Variants in LZTS2 observed in about 807,000 individuals in gnomAD.
LZTS2 encodes leucine zipper tumor suppressor 2, also known as leucine zipper putative tumor suppressor 2.
A neutral mutation model predicts 60.6 loss-of-function variants in LZTS2; 32 were observed. That is an observed-to-expected ratio of 0.53 (90% CI 0.40 to 0.71). The LOEUF (loss-of-function observed/expected upper bound fraction) is 0.71. Among genes scored for constraint, LZTS2 ranks in the 30% least tolerant of loss-of-function variants. The probability of loss-of-function intolerance (pLI) is 0.00; values close to 1 mark genes in which losing one functional copy is unlikely to be tolerated. For missense variants in LZTS2, 792 were observed against 901.9 expected (o/e 0.88, Z 1.56); for synonymous variants, 360 against 393.1 (o/e 0.92, Z 1.00).
exon 4 of LZTS2, chr10:101,007,198 T>C: frequency 6.6e-7 from 1 of 1,514,770 alleles, no homozygotes; most frequent in Non-Finnish European, 8.8e-7. Context: ...TGTAGGGAGC[T>C]CTGCCAGAGG....
At chr10:101,004,899 T>C (rs779630204) in intron 2 of LZTS2, among the ~76,000 whole-genome samples, 20 of 152,202 alleles carry the variant, frequency 1.3e-4, no homozygotes, top group Non-Finnish European at 2.5e-4. Context: ...GTTTCCACCA[T>C]GTTGGCCAAG....
rs375351190 is a variant in LZTS2, at chr10:101,006,708, G to T, written c.1550G>T (p.Arg517Leu). 28 of 1,601,148 alleles carry T rather than the reference G, an allele frequency of 1.7e-5. No homozygotes were observed. The highest frequency in any genetic ancestry group is 3.4e-6 in the Non-Finnish European group (4 of 1,174,302). The change falls in exon 4 of 4, where the codon CGC becomes CTC. Residue 517 changes from arginine to leucine, a missense_variant. Coordinates refer to ENST00000370220, the Ensembl canonical transcript of LZTS2. ...TGTTCCCAGGAGCTGCAGCGACACC[G>T]CCAGGAAGCTGAGCAGCTGCGGGAG...
At chr10:101,004,043 G>A (rs746834846) in exon 2 of LZTS2, 12 of 1,613,210 alleles carry the variant, frequency 7.4e-6, no homozygotes, top group East Asian at 4.5e-5. Flanking sequence ...CACCACCCCC[G>A]CCTCCACCTC....
At chr10:101,005,690 C>A in exon 3 of LZTS2, 1 of 1,595,388 alleles carries the variant, frequency 6.3e-7, no homozygotes, top group Non-Finnish European at 8.5e-7. Context: ...GAGCTCGGGC[C>A]GAGGCTTGAG....
chr10:100,997,732 C>T (rs1851944831), upstream of LZTS2, among the ~76,000 whole-genome samples: 1 of 152,222 alleles, frequency 6.6e-6, no homozygotes, highest in Non-Finnish European at 1.5e-5. Flanking sequence ...GTGCCCCCAA[C>T]CCAACCACGG....
At chr10:100,999,679 G>A (rs1258715411) in exon 1 of LZTS2, 1 of 152,044 alleles carries the variant, frequency 6.6e-6, no homozygotes, top group Non-Finnish European at 1.5e-5. Context: ...GCGGATTCGC[G>A]TGACGCGGGT....
chr10:101,002,665 G>C, exon 1 of LZTS2: 1 of 1,608,664 alleles, frequency 6.2e-7, no homozygotes, highest in East Asian at 2.2e-5. Flanking sequence ...CGGGGGGCCA[G>C]CTCCTCCCCG....
chr10:101,007,135 C>A, exon 4 of LZTS2: 1 of 1,606,954 alleles, frequency 6.2e-7, no homozygotes, highest in Non-Finnish European at 8.5e-7. Flanking sequence ...CCCCCTGCAT[C>A]TGCCTGGAGG....
chr10:101,005,599 T>C (rs767128298), exon 3 of LZTS2: 66 of 1,611,264 alleles, frequency 4.1e-5, no homozygotes, highest in Non-Finnish European at 5.0e-5. Flanking sequence ...GAAGCGGCAA[T>C]TGCAGGACGA....
exon 4 of LZTS2, chr10:101,007,738 G>C: frequency 2.6e-6 from 2 of 768,418 alleles, no homozygotes; most frequent in Non-Finnish European, 3.2e-6. Context: ...CCTTCACCCA[G>C]GTTTATGGCC....
In LZTS2 at chr10:101,006,680, G is replaced by A. The variant is rs560799854; in HGVS notation, c.1522G>A (p.Ala508Thr). The stretch of plus-strand genomic sequence containing the variant: ...CCGAGCTCGGGAGCTGGAGCTGGAA[G>A]CCTGTTCCCAGGAGCTGCAGCGACA... Residue 508 changes from alanine to threonine, a missense_variant, in exon 4 of 4, where the codon GCC becomes ACC. By Grantham distance (58) the Ala-to-Thr change is moderately conservative (BLOSUM62 0). Transcript: ENST00000370220. 6 of 1,594,448 alleles carry A rather than the reference G, an allele frequency of 3.8e-6. No individual in the cohort carries two copies. In the African/African-American group the frequency reaches 6.7e-5, roughly 18 times the overall value.
upstream of LZTS2, chr10:100,999,406 CCT>C (rs1161171343): frequency 6.6e-6 from 1 of 152,306 alleles, no homozygotes; most frequent in East Asian, 1.9e-4. Context: ...CGGCCATCGG[CCT>C]CTCGCTTGGG....
Position 101,005,673 on chromosome 10 carries a change from G to T in LZTS2, c.1284G>T (p.Glu428Asp), listed in dbSNP as rs781499587. ...GGCGCTGCGCCACCTTGGAGCGGGA[G>T]CAGCGGGAGCTCGGGCCGAGGCTTG... The change falls in exon 3 of 4, where the codon GAG becomes GAT. Residue 428 changes from glutamate (E) to aspartate (D), a missense_variant. By Grantham distance (45) the Glu-to-Asp change is conservative. Coordinates refer to ENST00000370220, the Ensembl canonical transcript of LZTS2. The T allele has an allele frequency of 7.6e-5, 122 of 1,604,584 alleles. No individual in the cohort carries two copies. The highest frequency in any genetic ancestry group is 9.6e-5 in the Non-Finnish European group (113 of 1,174,452).
chr10:101,002,735 G>A (rs1254982677), exon 1 of LZTS2: 2 of 1,612,856 alleles, frequency 1.2e-6, no homozygotes, highest in East Asian at 2.2e-5. Flanking sequence ...CTACGGGGTG[G>A]CTATGAGGCA....
At chr10:101,006,954 A>G (rs1423191168) in exon 4 of LZTS2, 1 of 1,544,292 alleles carries the variant, frequency 6.5e-7, no homozygotes, top group Non-Finnish European at 8.8e-7. Flanking sequence ...TTTGAGGGGG[A>G]GCGGCTGGCC....
chr10:101,004,025 G>A, exon 2 of LZTS2: 1 of 1,613,260 alleles, frequency 6.2e-7, no homozygotes, highest in Non-Finnish European at 8.5e-7. Flanking sequence ...CCTGTGGGGA[G>A]CGCTCACCAC....
exon 1 of LZTS2, chr10:101,001,483 G>A (rs1348174282): frequency 6.6e-6 from 1 of 152,256 alleles, no homozygotes; most frequent in Non-Finnish European, 1.5e-5. Context: ...CCTACTCCCA[G>A]TGCAATTCTC....
chr10:101,002,511 C>T (rs888023869), exon 1 of LZTS2: 12 of 1,497,734 alleles, frequency 8.0e-6, no homozygotes, highest in East Asian at 7.0e-5. Flanking sequence ...CCTGCGAGGC[C>T]GCTGGCCAGG....
At chr10:101,003,894 A>G (rs1319533125) in exon 2 of LZTS2, 1 of 1,612,744 alleles carries the variant, frequency 6.2e-7, no homozygotes, top group Non-Finnish European at 8.5e-7. Flanking sequence ...AGGGGTCCCT[A>G]CTGGGCCCTC....
Sources: allele counts gnomAD v4.1 joint callset (sites outside exome capture counted in the v4.1 genomes callset), GRCh38; gene constraint gnomAD v4.1.1; transcripts MANE v1.5; gene names NCBI Gene and HGNC (gene_info 2026-07-23, HGNC 2026-07-21).